IQCM: variants seen among roughly 807,000 people sequenced by gnomAD.
The protein encoded by IQCM is IQ motif containing M.
A neutral mutation model predicts 57.6 loss-of-function variants in IQCM; 45 were observed. The observed-to-expected ratio is 0.78, with a 90% CI of 0.62 to 1.00. The LOEUF (loss-of-function observed/expected upper bound fraction) is 1.00. Ranked by LOEUF, IQCM falls within the 50% of genes least tolerant of loss-of-function variation. The pLI is 0.00. For synonymous variants in IQCM, 148 were observed against 158.9 expected, an observed-to-expected ratio of 0.93 and a Z score of 0.51; for missense variants, 468 against 511.6, an observed-to-expected ratio of 0.91 and a Z score of 0.82.
At chr4:149,705,915 T>TAA (rs72347789) in intron 5 of IQCM, among the ~76,000 whole-genome samples, 31,471 of 148,450 alleles carry the variant, frequency 0.21, 4,036 homozygotes, top group Non-Finnish European at 0.28. Flanking sequence ...AAGACACAAA[T>TAA]AAAAAAAAAA....
intron 13 of IQCM, among the ~76,000 whole-genome samples, chr4:149,352,734 A>T (rs139453694): frequency 8.9e-4 from 136 of 152,326 alleles, no homozygotes; most frequent in African/African-American, 3.1e-3. Context: ...AAGTGTAATC[A>T]GTTCTGATAA....
intron 8 of IQCM, among the ~76,000 whole-genome samples, chr4:149,591,439 C>T (rs1461345519): frequency 6.6e-6 from 1 of 151,632 alleles, no homozygotes; most frequent in South Asian, 2.1e-4. Flanking sequence ...ACACTTACAT[C>T]CAAATGTGGT....
At chr4:149,526,233 C>T (rs1397883222) in intron 12 of IQCM, among the ~76,000 whole-genome samples, 1 of 151,718 alleles carries the variant, frequency 6.6e-6, no homozygotes, top group African/African-American at 2.4e-5. Context: ...TGTAAGGGCA[C>T]CAAACTATAA....
At chr4:149,700,024 G>T (rs1763646768) in intron 5 of IQCM, among the ~76,000 whole-genome samples, 1 of 151,886 alleles carries the variant, frequency 6.6e-6, no homozygotes, top group African/African-American at 2.4e-5. Context: ...GGTACTAACT[G>T]CATTATTCAT....
chr4:149,669,990 A>G (rs560170260), intron 7 of IQCM, among the ~76,000 whole-genome samples: 96 of 152,240 alleles, frequency 6.3e-4, no homozygotes, highest in African/African-American at 1.9e-3. Flanking sequence ...GAACTTTAAA[A>G]TAGTTTTTTC....
At chr4:149,353,350 T>C (rs1430065546) in intron 13 of IQCM, among the ~76,000 whole-genome samples, 1 of 152,108 alleles carries the variant, frequency 6.6e-6, no homozygotes, top group Non-Finnish European at 1.5e-5. Context: ...TAGATTGGTG[T>C]AACCATTCTA....
At chr4:149,576,373 A>G (rs1751654137) in intron 9 of IQCM, among the ~76,000 whole-genome samples, 1 of 151,678 alleles carries the variant, frequency 6.6e-6, no homozygotes, top group African/African-American at 2.4e-5. Context: ...CCCAATATTT[A>G]GCTTGATTTG....
chr4:149,612,882 T>G (rs1348454631), intron 8 of IQCM, among the ~76,000 whole-genome samples: 1 of 151,886 alleles, frequency 6.6e-6, no homozygotes, highest in Non-Finnish European at 1.5e-5. Flanking sequence ...ACACAAAACA[T>G]AGATAAGAAT....
intron 13 of IQCM, among the ~76,000 whole-genome samples, chr4:149,424,036 G>A (rs2111229878): frequency 6.6e-6 from 1 of 151,990 alleles, no homozygotes; most frequent in South Asian, 2.1e-4. Flanking sequence ...AGCTGCTATA[G>A]TAATCCTTCA....
At chr4:149,425,159 G>T (rs1734378376) in intron 13 of IQCM, among the ~76,000 whole-genome samples, 1 of 151,926 alleles carries the variant, frequency 6.6e-6, no homozygotes, top group African/African-American at 2.4e-5. Flanking sequence ...ATAGCTCTGA[G>T]TCTTATAAGA....
chr4:149,637,246 C>T (rs913345780), intron 7 of IQCM, among the ~76,000 whole-genome samples: 19 of 148,968 alleles, frequency 1.3e-4, no homozygotes, highest in African/African-American at 3.4e-4. Context: ...TACATAGTAA[C>T]TGAAACAATT....
intron 8 of IQCM, among the ~76,000 whole-genome samples, chr4:149,601,459 A>G (rs1167205622): frequency 6.6e-6 from 1 of 152,164 alleles, no homozygotes; most frequent in African/African-American, 2.4e-5. Flanking sequence ...TACAGATGCA[A>G]TTTAAAAATA....
At chr4:149,713,494 A>C (rs1434388911) in intron 5 of IQCM, among the ~76,000 whole-genome samples, 6 of 152,176 alleles carry the variant, frequency 3.9e-5, no homozygotes, top group Non-Finnish European at 8.8e-5. Context: ...CACTAACCCA[A>C]GTGGACATTA....
chr4:149,637,883 C>A (rs1173026923), intron 7 of IQCM, among the ~76,000 whole-genome samples: 1 of 152,064 alleles, frequency 6.6e-6, no homozygotes, highest in African/African-American at 2.4e-5. Context: ...CGAAGAATAA[C>A]TATAGAAAAT....
chr4:149,754,832 G>A (rs1383517225), intron 2 of IQCM, among the ~76,000 whole-genome samples: 1 of 152,080 alleles, frequency 6.6e-6, no homozygotes, highest in African/African-American at 2.4e-5. Flanking sequence ...TTGATAACTG[G>A]CAAATAGATA....
At chr4:149,610,438 C>A (rs1307763069) in intron 8 of IQCM, among the ~76,000 whole-genome samples, 2 of 151,952 alleles carry the variant, frequency 1.3e-5, no homozygotes, top group African/African-American at 2.4e-5. Flanking sequence ...GTAAAAAGTA[C>A]AAAGCTGGAG....
intron 12 of IQCM, among the ~76,000 whole-genome samples, chr4:149,455,003 C>T (rs1737536023): frequency 6.6e-6 from 1 of 151,972 alleles, no homozygotes; most frequent in Non-Finnish European, 1.5e-5. Context: ...TGATCTCCAA[C>T]TTAGGATGGT....
intron 2 of IQCM, among the ~76,000 whole-genome samples, chr4:149,754,074 C>T (rs1768729529): frequency 6.6e-6 from 1 of 152,154 alleles, no homozygotes; most frequent in South Asian, 2.1e-4. Context: ...CTTTAAACTG[C>T]TTCTAGTGAA....
At chr4:149,372,355 T>C (rs1730423154) in intron 13 of IQCM, among the ~76,000 whole-genome samples, 1 of 152,158 alleles carries the variant, frequency 6.6e-6, no homozygotes, top group South Asian at 2.1e-4. Flanking sequence ...AATAAGTGTT[T>C]AATATAAGGT....
Sources: allele counts gnomAD v4.1 joint callset (sites outside exome capture counted in the v4.1 genomes callset), GRCh38; gene constraint gnomAD v4.1.1; transcripts MANE v1.5; gene names NCBI Gene and HGNC (gene_info 2026-07-23, HGNC 2026-07-21).